CDKAL1: variants seen among roughly 807,000 people sequenced by gnomAD.
CDKAL1 encodes threonylcarbamoyladenosine tRNA methylthiotransferase.
CDKAL1 carries 32 observed loss-of-function variants against 68.2 expected under a neutral mutation model. The ratio of observed to expected loss-of-function variants is 0.47; its 90% CI spans 0.35 to 0.63. The LOEUF (loss-of-function observed/expected upper bound fraction) is 0.63. Among genes scored for constraint, CDKAL1 ranks in the 30% least tolerant of loss-of-function variants. The pLI is 0.00. For missense variants in CDKAL1, 606 were observed against 696.7 expected, an observed-to-expected ratio of 0.87 and a Z score of 1.47; for synonymous variants, 234 against 244.3, an observed-to-expected ratio of 0.96 and a Z score of 0.39.
At position 20,905,802 on chromosome 6, in the gene CDKAL1, A is replaced by C. The variant is rs899615737; in HGVS notation, c.743-49617A>C. Reference sequence around the variant, plus strand: ...CCAACATAAAAGAAAAAAGAAAAAAACAAAACAACACAAAACAAACCCAGA... The same window carrying C: ...CCAACATAAAAGAAAAAAGAAAAAACCAAAACAACACAAAACAAACCCAGA... On this transcript the variant is annotated intron_variant, in intron 9 of 15. Coordinates refer to ENST00000274695, the MANE Select transcript of CDKAL1 (RefSeq NM_017774.3). 2.6e-5 allele frequency among the ~76,000 whole-genome samples: 4 copies of C among 152,082 alleles called. No homozygotes were observed. In the South Asian group the frequency reaches 6.2e-4, roughly 24 times the overall value.
chr6:21,003,157 G>A (rs927057851), intron 11 of CDKAL1, among the ~76,000 whole-genome samples: 6 of 151,064 alleles, frequency 4.0e-5, no homozygotes, highest in Admixed American at 1.3e-4. Context: ...TCCTCTTGGG[G>A]AAGTCCATCT....
intron 4 of CDKAL1, among the ~76,000 whole-genome samples, chr6:20,574,916 A>G (rs898711617): frequency 2.6e-5 from 4 of 152,170 alleles, no homozygotes; most frequent in Admixed American, 2.0e-4. Context: ...GATTTAGTTC[A>G]GTTAATTCAT....
intron 8 of CDKAL1, among the ~76,000 whole-genome samples, chr6:20,799,566 T>A (rs1313775302): frequency 6.6e-6 from 1 of 152,180 alleles, no homozygotes; most frequent in Non-Finnish European, 1.5e-5. Context: ...ATATAAAAAA[T>A]TTAACGTATG....
intron 4 of CDKAL1, among the ~76,000 whole-genome samples, chr6:20,567,843 AG>A (rs1242836235): frequency 3.9e-5 from 6 of 151,908 alleles, no homozygotes; most frequent in African/African-American, 1.5e-4. Context: ...CCTCCTGAGT[AG>A]CTGGGACTAC....
intron 15 of CDKAL1, among the ~76,000 whole-genome samples, chr6:21,222,643 C>T (rs1779579318): frequency 7.9e-5 from 12 of 151,832 alleles, no homozygotes; most frequent in Admixed American, 7.9e-4. Context: ...AGAAAGATAG[C>T]TTGGCACCCT....
At chr6:21,165,392 T>C (rs1777110934) in intron 13 of CDKAL1, among the ~76,000 whole-genome samples, 2 of 152,248 alleles carry the variant, frequency 1.3e-5, no homozygotes, top group Admixed American at 1.3e-4. Context: ...AGCTGATAGC[T>C]AATGGATTCT....
At chr6:20,649,611 A>C (rs945850456) in intron 5 of CDKAL1, among the ~76,000 whole-genome samples, 6 of 152,036 alleles carry the variant, frequency 3.9e-5, no homozygotes, top group Admixed American at 3.3e-4. Flanking sequence ...AGGATGTGCA[A>C]GTTTGTTACA....
At chr6:20,570,283 T>C (rs1764645613) in intron 4 of CDKAL1, among the ~76,000 whole-genome samples, 1 of 151,678 alleles carries the variant, frequency 6.6e-6, no homozygotes, top group South Asian at 2.1e-4. Flanking sequence ...TTTGTATTTT[T>C]AGTAGAGACG....
intron 4 of CDKAL1, among the ~76,000 whole-genome samples, chr6:20,565,898 G>T (rs1333690567): frequency 6.6e-6 from 1 of 151,992 alleles, no homozygotes; most frequent in Non-Finnish European, 1.5e-5. Flanking sequence ...CTGTGGGTTT[G>T]GTAAATAACA....
intron 8 of CDKAL1, among the ~76,000 whole-genome samples, chr6:20,818,279 C>G (rs1032963092): frequency 1.3e-5 from 2 of 152,064 alleles, no homozygotes; most frequent in Non-Finnish European, 2.9e-5. Context: ...ATAAACTGTT[C>G]CACAGTAGTA....
At chr6:20,821,888 C>T (rs1202561357) in intron 8 of CDKAL1, among the ~76,000 whole-genome samples, 1 of 152,116 alleles carries the variant, frequency 6.6e-6, no homozygotes, top group Admixed American at 6.6e-5. Flanking sequence ...CAGTAAAGGG[C>T]TACATTTTAC....
chr6:20,985,802 CA>C lies in CDKAL1; in HGVS notation c.910-14413del, dbSNP rs1331475452. Among the ~76,000 whole-genome samples the C allele has an allele frequency of 3.8e-3, 504 of 133,622 alleles. 3 individuals are homozygous for C. Among genetic ancestry groups the C allele is most frequent in the African/African-American group, 0.012 (431 of 36,530 alleles). The allele number at this position is 133,622 out of a possible 152,430, so 87.7% of individuals were successfully genotyped here. On this transcript the variant is annotated intron_variant, in intron 10 of 15. Coordinates refer to ENST00000274695, the MANE Select transcript of CDKAL1 (RefSeq NM_017774.3). ...TGGATGATGGAGTGAGACCCTGCCTCAAAAAAAAAAAACAACTTTTAAGACT... is the reference window on the plus strand; with the variant it reads ...TGGATGATGGAGTGAGACCCTGCCTCAAAAAAAAAAACAACTTTTAAGACT...
chr6:21,079,976 C>CTCTCTGTGTG (rs1554171489), intron 12 of CDKAL1, among the ~76,000 whole-genome samples: 1 of 135,750 alleles, frequency 7.4e-6, no homozygotes, highest in African/African-American at 2.8e-5. Flanking sequence ...AACTTTGTCT[C>CTCTCTGTGTG]TGTGTGTGTG....
intron 4 of CDKAL1, among the ~76,000 whole-genome samples, chr6:20,624,483 C>T (rs1399364016): frequency 6.6e-6 from 1 of 151,944 alleles, no homozygotes; most frequent in Non-Finnish European, 1.5e-5. Flanking sequence ...ATAGCTGCTG[C>T]ACCATTTTAT....
intron 9 of CDKAL1, among the ~76,000 whole-genome samples, chr6:20,947,993 A>G (rs1378023559): frequency 6.9e-6 from 1 of 145,172 alleles, no homozygotes; most frequent in African/African-American, 2.5e-5. Context: ...GTTTGACTGT[A>G]CCTTGAGTGA....
intron 13 of CDKAL1, among the ~76,000 whole-genome samples, chr6:21,146,733 C>A (rs1776187108): frequency 6.6e-6 from 1 of 151,846 alleles, no homozygotes; most frequent in African/African-American, 2.4e-5. Flanking sequence ...CACCTGTAGT[C>A]CCAGCTACTT....
intron 8 of CDKAL1, among the ~76,000 whole-genome samples, chr6:20,830,451 TATG>T (rs1223678349): frequency 1.3e-5 from 2 of 148,958 alleles, no homozygotes; most frequent in Admixed American, 6.7e-5. Context: ...AAAGAATTTG[TATG>T]ATATGTTTCA....
intron 9 of CDKAL1, among the ~76,000 whole-genome samples, chr6:20,853,402 C>CAA (rs869195000): frequency 2.6e-3 from 89 of 34,406 alleles, no homozygotes; most frequent in African/African-American, 3.8e-3. Flanking sequence ...AAAAAAAAAA[C>CAA]AAAAAAAAAA....
At chr6:20,743,906 A>G (rs543925715) in intron 6 of CDKAL1, among the ~76,000 whole-genome samples, 1 of 152,340 alleles carries the variant, frequency 6.6e-6, no homozygotes, top group African/African-American at 2.4e-5. Context: ...GTTTTAGCCA[A>G]AATCTTTTTC....
Sources: gnomAD v4.1 joint callset for allele counts (sites outside exome capture counted in the v4.1 genomes callset) on GRCh38, gnomAD v4.1.1 for gene constraint, MANE v1.5 for transcripts, NCBI Gene and HGNC (gene_info 2026-07-23, HGNC 2026-07-21) for gene names.